The following TBC1D5 variants were observed in gnomAD, a reference collection of about 807,000 sequenced individuals.
The protein encoded by TBC1D5 is TBC1 domain family member 5.
TBC1D5 carries 75 observed loss-of-function variants against 100.3 expected under a neutral mutation model. The ratio of observed to expected loss-of-function variants is 0.75; its 90% CI spans 0.62 to 0.91. The LOEUF (loss-of-function observed/expected upper bound fraction) is 0.91, where lower values mean the gene tolerates loss of function less well. TBC1D5 is among the 40% of genes least tolerant of loss of function. The pLI, the probability that TBC1D5 is intolerant of heterozygous loss-of-function variation, is 0.00. For missense variants in TBC1D5, 910 were observed against 942.4 expected (o/e 0.97, Z 0.45); for synonymous variants, 323 against 325.6 (o/e 0.99, Z 0.09).
chr3:17,337,070 G>A (rs1041230106), intron 13 of TBC1D5, among the ~76,000 whole-genome samples: 8 of 149,116 alleles, frequency 5.4e-5, no homozygotes, highest in Admixed American at 4.0e-4. Context: ...ATGGCATTCT[G>A]CTCTGGAGGT....
At chr3:17,508,054 A>T (rs2153230113) in intron 3 of TBC1D5, among the ~76,000 whole-genome samples, 1 of 148,154 alleles carries the variant, frequency 6.7e-6, no homozygotes, top group South Asian at 2.1e-4. Context: ...CAATTACTTT[A>T]AAAAAAAAAG....
chr3:17,158,084 A>G (rs541873721), exon 22 of TBC1D5: 3 of 152,392 alleles, frequency 2.0e-5, no homozygotes, highest in African/African-American at 7.2e-5. Context: ...TTAATGTGTT[A>G]TCTGACCCTG....
chr3:17,197,929 T>C (rs1296931356), intron 18 of TBC1D5, among the ~76,000 whole-genome samples: 3 of 152,076 alleles, frequency 2.0e-5, no homozygotes, highest in East Asian at 1.9e-4. Context: ...CCCAGCTACT[T>C]GGGAGGCAGA....
intron 13 of TBC1D5, among the ~76,000 whole-genome samples, chr3:17,310,647 G>A (rs946441912): frequency 3.9e-5 from 6 of 151,960 alleles, no homozygotes; most frequent in Non-Finnish European, 7.4e-5. Context: ...GGAAGTACAG[G>A]CATTGATCTT....
At chr3:17,627,280 C>T (rs1256965609) in intron 1 of TBC1D5, among the ~76,000 whole-genome samples, 1 of 152,050 alleles carries the variant, frequency 6.6e-6, no homozygotes, top group Non-Finnish European at 1.5e-5. Context: ...AGTGGCAAGA[C>T]GATGCTTCCA....
chr3:17,231,495 T>C (rs1437205228), intron 17 of TBC1D5, among the ~76,000 whole-genome samples: 1 of 152,070 alleles, frequency 6.6e-6, no homozygotes, highest in Non-Finnish European at 1.5e-5. Flanking sequence ...AAAATTTCAT[T>C]AAAAAAAGAC....
intron 8 of TBC1D5, among the ~76,000 whole-genome samples, chr3:17,400,318 T>A (rs2093613972): frequency 6.6e-6 from 1 of 152,126 alleles, no homozygotes; most frequent in African/African-American, 2.4e-5. Context: ...CCTCATAGAC[T>A]GAAATGAAAA....
chr3:17,285,429 T>G (rs943954560), intron 15 of TBC1D5, among the ~76,000 whole-genome samples: 1 of 151,060 alleles, frequency 6.6e-6, no homozygotes, highest in Non-Finnish European at 1.5e-5. Context: ...CCCGGCTAAT[T>G]TTTTGTATTT....
chr3:17,248,695 A>T (rs114608169), intron 16 of TBC1D5, among the ~76,000 whole-genome samples: 1,880 of 152,022 alleles, frequency 0.012, 34 homozygotes, highest in African/African-American at 0.043. Context: ...TGAAAGGAAT[A>T]TTTTTTTTCT....
At chr3:17,181,425 T>G (rs1414333290) in intron 19 of TBC1D5, among the ~76,000 whole-genome samples, 1 of 152,198 alleles carries the variant, frequency 6.6e-6, no homozygotes, top group Non-Finnish European at 1.5e-5. Flanking sequence ...TAATACCCAC[T>G]TTGGGCCATT....
chr3:17,391,804 A>G (rs1199042823), intron 8 of TBC1D5, among the ~76,000 whole-genome samples: 1 of 152,162 alleles, frequency 6.6e-6, no homozygotes, highest in Non-Finnish European at 1.5e-5. Flanking sequence ...GCAATGTGAT[A>G]GCCTCTAGTT....
At position 17,336,209 on chromosome 3, in the gene TBC1D5, T is replaced by C. The variant is rs540585863; in HGVS notation, c.996-28075A>G. ...GAAAAGAGGATGCAAGCCTACAGCA[T>C]GTGAGCTAAACACTATGCCATATAC... On this transcript the variant is annotated intron_variant, in intron 13 of 21. Coordinates refer to ENST00000253692, the Ensembl canonical transcript of TBC1D5. Among the ~76,000 whole-genome samples the C allele has an allele frequency of 2.6e-5, 4 of 152,184 alleles. No homozygotes were observed. In the East Asian group the frequency reaches 7.7e-4, roughly 29 times the overall value.
At chr3:17,562,964 C>T (rs1424598048) in intron 2 of TBC1D5, among the ~76,000 whole-genome samples, 1 of 152,106 alleles carries the variant, frequency 6.6e-6, no homozygotes, top group Non-Finnish European at 1.5e-5. Flanking sequence ...ACAATAAATC[C>T]TCTTACTTAA....
chr3:17,591,258 A>AC (rs2096768717), intron 2 of TBC1D5, among the ~76,000 whole-genome samples: 1 of 120,294 alleles, frequency 8.3e-6, no homozygotes, highest in Non-Finnish European at 1.8e-5. Flanking sequence ...AAAAAAAAAA[A>AC]AAAAAAAACA....
At chr3:17,668,164 ATATT>A (rs1359172535) in intron 1 of TBC1D5, among the ~76,000 whole-genome samples, 2 of 148,268 alleles carry the variant, frequency 1.3e-5, no homozygotes, top group South Asian at 2.1e-4. Context: ...ATATATATAT[ATATT>A]TAAGATATAT....
chr3:17,158,459 T>TACTC (rs2065774330), exon 22 of TBC1D5: 1 of 152,202 alleles, frequency 6.6e-6, no homozygotes, highest in Non-Finnish European at 1.5e-5. Context: ...TTGCAAATAA[T>TACTC]ACTCAACTAT....
chr3:17,618,234 G>A (rs1346776080), intron 2 of TBC1D5, among the ~76,000 whole-genome samples: 2 of 152,182 alleles, frequency 1.3e-5, no homozygotes, highest in African/African-American at 4.8e-5. Flanking sequence ...GGAGGCTGCA[G>A]AACAGCAATT....
chr3:17,229,989 T>C (rs900431408), intron 17 of TBC1D5, among the ~76,000 whole-genome samples: 1 of 152,214 alleles, frequency 6.6e-6, no homozygotes, highest in Non-Finnish European at 1.5e-5. Context: ...CTAACTGATG[T>C]TTCCCAAAAT....
chr3:17,659,445 C>T (rs2153738292), intron 1 of TBC1D5, among the ~76,000 whole-genome samples: 1 of 152,010 alleles, frequency 6.6e-6, no homozygotes. Flanking sequence ...GAGAGGAAGG[C>T]ATCTAGAATG....
Sources: gnomAD v4.1 joint callset for allele counts (sites outside exome capture counted in the v4.1 genomes callset) on GRCh38, gnomAD v4.1.1 for gene constraint, MANE v1.5 for transcripts, NCBI Gene and HGNC (gene_info 2026-07-23, HGNC 2026-07-21) for gene names.